Variants in MAX observed in about 807,000 individuals in gnomAD.
The protein encoded by MAX is MYC associated transcriptional regulator X, also known as protein max.
MAX carries 3 observed loss-of-function variants against 22.3 expected under a neutral mutation model. The observed-to-expected ratio is 0.13, with a 90% confidence interval of 0.06 to 0.35. The LOEUF is 0.35. Among genes scored for constraint, MAX ranks in the 10% least tolerant of loss-of-function variants. The pLI, the probability that MAX is intolerant of heterozygous loss-of-function variation, is 1.00. For missense variants in MAX, 119 were observed against 209.4 expected, an observed-to-expected ratio of 0.57 and a Z score of 2.66; for synonymous variants, 72 against 77.7, an observed-to-expected ratio of 0.93 and a Z score of 0.39.
rs896175442 is a variant in MAX, at chr14:65,051,939, C to T, written c.171+41769G>A. Among the ~76,000 whole-genome samples, 21 of 151,824 alleles carry T rather than the reference C, an allele frequency of 1.4e-4. No homozygotes were observed. The East Asian group carries it at 2.4e-3, about 17-fold the overall frequency. On this transcript the variant is annotated intron_variant, in intron 3 of 3. Coordinates refer to the MAX transcript ENST00000341653. ...CCTCCTGAGTAGCTGGGACTACAGG[C>T]GCCCACCACCATGTCCGGCTAATTT... is the stretch of plus-strand genomic sequence containing the variant.
rs534446852 is a variant in MAX at position 65,088,847 on chromosome 14, G to A, written c.171+4861C>T. Among the ~76,000 whole-genome samples the A allele has an allele frequency of 6.6e-6, 1 of 151,546 alleles. No homozygotes were observed. The highest frequency in any genetic ancestry group is 1.5e-5 in the Non-Finnish European group (1 of 67,500). On this transcript the variant is annotated intron_variant, in intron 3 of 4. Transcript: ENST00000358664. The surrounding 1 kb of genome is among the most constrained non-coding windows in gnomAD (Gnocchi z 5.2). ...TATATTAAGTATAATATATAAATGT[G>A]TGTACATAAAAGTATAAATGCTATG...
In MAX at chr14:65,012,404, C is replaced by T. The variant is rs1322041309; in HGVS notation, c.172-6120G>A. The T allele has an allele frequency of 6.2e-7, 1 of 1,613,978 alleles. No individual in the cohort carries two copies. The highest frequency in any genetic ancestry group is 8.5e-7 in the Non-Finnish European group (1 of 1,179,862). ...ATGCCTATGAGGTAAACACATTACC[C>T]AGGAACTCTTGCTGTCAAATTATCC... On this transcript the variant is annotated intron_variant, in intron 3 of 3. Transcript: ENST00000341653. This position sits in a 1 kb window ranked among gnomAD's most constrained non-coding sequence, Gnocchi z 5.0.
chr14:65,015,795 G>C (rs1373694718), intron 3 of MAX: 2 of 1,533,458 alleles, frequency 1.3e-6, no homozygotes, highest in Non-Finnish European at 1.8e-6. Flanking sequence ...TTTCTGTTTT[G>C]TTTGTTTGGA....
chr14:65,102,236 C>A, intron 1 of MAX, 68 bp downstream of exon 1: 1 of 1,602,956 alleles, frequency 6.2e-7, no homozygotes, highest in East Asian at 2.3e-5. Flanking sequence ...GCCGTCGCCC[C>A]GCTAAGAGCC....
In MAX at chr14:65,007,420, G is replaced by C. The variant is rs142874938; in HGVS notation, c.172-1136C>G. On this transcript the variant is annotated intron_variant, in intron 3 of 3. Transcript: ENST00000341653. The surrounding 1 kb of genome is among the most constrained non-coding windows in gnomAD (Gnocchi z 4.9). ...GGGACAGACTCACACACATGCCCAG[G>C]ACCACAGACCACGCACAGGTCCAGG... Among the ~76,000 whole-genome samples, 355 of 152,308 alleles carry C rather than the reference G, an allele frequency of 2.3e-3. 2 individuals are homozygous for C. The highest frequency in any genetic ancestry group is 8.2e-3 in the African/African-American group (340 of 41,560).
chr14:65,083,322 G>A (rs2063245597), intron 3 of MAX, among the ~76,000 whole-genome samples: 1 of 152,180 alleles, frequency 6.6e-6, no homozygotes, highest in South Asian at 2.1e-4. Flanking sequence ...ACCGTTTAAG[G>A]CCCCAAATGA....
rs1388875697 is a variant in MAX at position 65,060,612 on chromosome 14, C to T, written c.171+33096G>A. On this transcript the variant is annotated intron_variant, in intron 3 of 3. Transcript: ENST00000341653. ...TTGGGAGGCTGAGGCAGGAGAATGG[C>T]GTGAACCCGGGAGGCGGAGCTTGCA... 3.3e-5 allele frequency among the ~76,000 whole-genome samples: 4 copies of T among 122,992 alleles called. 1 individual carries two copies. Among genetic ancestry groups the T allele is most frequent in the Admixed American group, 1.5e-4 (2 of 13,546 alleles). 80.7% of individuals were successfully genotyped at this position (122,992 alleles called of 152,430 possible).
At position 65,102,414 on chromosome 14, in the gene MAX, G is replaced by C. The variant is rs2139979475; in HGVS notation, c.-75C>G. 6.4e-7 allele frequency: 1 copy of C among 1,572,884 alleles called. No homozygotes were observed. The highest frequency in any genetic ancestry group is 8.6e-7 in the Non-Finnish European group (1 of 1,161,408). On this transcript the variant is annotated 5_prime_UTR_variant, in exon 1 of 5. Coordinates refer to ENST00000358664, the MANE Select transcript of MAX (RefSeq NM_002382.5). The stretch of plus-strand genomic sequence containing the variant: ...GGGTGAAGGGGAGGGGGAAGTCACC[G>C]ACAACAACAAGCCGAGTCCCCCCCA...
intron 3 of MAX, among the ~76,000 whole-genome samples, chr14:65,081,670 C>A (rs1216611610): frequency 1.3e-5 from 2 of 152,174 alleles, no homozygotes; most frequent in Non-Finnish European, 2.9e-5. Context: ...GTCCACAGAG[C>A]AAGTGCTGCC....
Position 65,011,597 on chromosome 14 carries a change from T to C in MAX, c.172-5313A>G, listed in dbSNP as rs2061684589. On this transcript the variant is annotated intron_variant, in intron 3 of 3. Coordinates refer to the MAX transcript ENST00000341653. The surrounding 1 kb of genome is among the most constrained non-coding windows in gnomAD (Gnocchi z 4.0). ...CGGGGAACATCTTGACAATCTGTGC[T>C]TTTTGTTTCCTTCCCTAGTCACACA... Among the ~76,000 whole-genome samples the C allele has an allele frequency of 6.6e-6, 1 of 152,240 alleles. No individual in the cohort carries two copies. Among genetic ancestry groups the C allele is most frequent in the Admixed American group, 6.5e-5 (1 of 15,290 alleles).
At chr14:65,089,654 C>A (rs1595155439) in intron 3 of MAX, among the ~76,000 whole-genome samples, 2 of 150,962 alleles carry the variant, frequency 1.3e-5, no homozygotes, top group East Asian at 3.9e-4. Flanking sequence ...TGCTCCCCAA[C>A]ATAAGTATGG....
chr14:65,101,543 T>C lies in MAX; in HGVS notation c.63+3A>G. The C allele has an allele frequency of 6.2e-7, 1 of 1,609,692 alleles. No individual in the cohort carries two copies. Among genetic ancestry groups the C allele is most frequent in the Non-Finnish European group, 8.5e-7 (1 of 1,176,830 alleles). ...AAAATGAAATGGAGAGTAGGAGACG[T>C]ACCGCAGATTGAAACCTCGGTTGCT... On this transcript the variant is annotated splice_donor_region_variant and intron_variant, in intron 2 of 4. Transcript: ENST00000358664.
intron 2 of MAX, among the ~76,000 whole-genome samples, chr14:65,097,630 G>A (rs1317554239): frequency 6.6e-6 from 1 of 152,162 alleles, no homozygotes; most frequent in Non-Finnish European, 1.5e-5. Flanking sequence ...AGGGAAGCTT[G>A]TGTTGCTTAT....
chr14:65,038,990 T>G (rs1417938564), intron 3 of MAX, among the ~76,000 whole-genome samples: 1 of 152,230 alleles, frequency 6.6e-6, no homozygotes. Context: ...TTTAAAAAGT[T>G]TTCTTTTGCT....
intron 3 of MAX, among the ~76,000 whole-genome samples, chr14:65,092,874 TA>T (rs2063550153): frequency 6.6e-6 from 1 of 152,234 alleles, no homozygotes. Flanking sequence ...TCCTTCTTTA[TA>T]AAACACTGGA....
rs1023410011 is a variant in MAX at position 65,075,363 on chromosome 14, A to G, written c.*1113T>C. 15 of 1,063,242 alleles carry G rather than the reference A, an allele frequency of 1.4e-5. No individual in the cohort carries two copies. The highest frequency in any genetic ancestry group is 1.7e-5 in the Non-Finnish European group (15 of 877,666). 65.9% of individuals were successfully genotyped at this position (1,063,242 alleles called of 1,614,324 possible). On this transcript the variant is annotated 3_prime_UTR_variant, in exon 5 of 5. Coordinates refer to ENST00000358664, the MANE Select transcript of MAX (RefSeq NM_002382.5). This position sits in a 1 kb window ranked among gnomAD's most constrained non-coding sequence, Gnocchi z 4.1. Reference sequence around the variant, plus strand: ...CCCTTCACTGGCATCTGCTGACCACAGCCAGAACCAGGGCTGGATCACACA... The same window carrying G: ...CCCTTCACTGGCATCTGCTGACCACGGCCAGAACCAGGGCTGGATCACACA...
At chr14:65,060,512 C>T (rs1228060427) in intron 3 of MAX, among the ~76,000 whole-genome samples, 5 of 127,044 alleles carry the variant, frequency 3.9e-5, no homozygotes, top group Admixed American at 2.1e-4. Flanking sequence ...CCGGCTAAAA[C>T]GGTGAAACCC....
At chr14:65,087,637 AC>A (rs1351882618) in intron 3 of MAX, among the ~76,000 whole-genome samples, 1 of 151,968 alleles carries the variant, frequency 6.6e-6, no homozygotes, top group African/African-American at 2.4e-5. Context: ...CAATGCCTGT[AC>A]CCCCACTCTA....
intron 3 of MAX, chr14:65,040,734 T>G: frequency 2.5e-6 from 4 of 1,578,786 alleles, no homozygotes; most frequent in Non-Finnish European, 3.5e-6. Context: ...ATGGTCCTGG[T>G]CTTGTGTACG....
Sources: allele counts gnomAD v4.1 joint callset (sites outside exome capture counted in the v4.1 genomes callset), GRCh38; gene constraint gnomAD v4.1.1; non-coding constraint Gnocchi (gnomAD v3.1); transcripts MANE v1.5; gene names NCBI Gene and HGNC (gene_info 2026-07-23, HGNC 2026-07-21).